Variants in ASTN2 observed in about 807,000 individuals in gnomAD.
ASTN2 encodes the protein astrotactin 2, also known as astrotactin-2.
Under a neutral mutation model 139.8 loss-of-function variants are expected in ASTN2, and 54 were observed. That is an observed-to-expected ratio of 0.39 (90% CI 0.31 to 0.48). The LOEUF (loss-of-function observed/expected upper bound fraction) is 0.48. ASTN2 is among the 20% of genes least tolerant of loss of function. ASTN2 has a pLI of 0.95. For missense variants in ASTN2, 1,565 were observed against 1,725.1 expected (o/e 0.91, Z 1.64); for synonymous variants, 756 against 719.5 (o/e 1.05, Z -0.81).
intron 19 of ASTN2, chr9:116,586,097 T>C (rs1198183218): frequency 1.3e-5 from 2 of 152,218 alleles, no homozygotes; most frequent in East Asian, 3.8e-4. Flanking sequence ...CACAATTGCG[T>C]GCTATCTCAC....
At chr9:116,909,001 G>A (rs936917880) in intron 10 of ASTN2, among the ~76,000 whole-genome samples, 2 of 152,182 alleles carry the variant, frequency 1.3e-5, no homozygotes, top group African/African-American at 4.8e-5. Flanking sequence ...GAGTGGGATG[G>A]TGGTAGGAAC....
intron 6 of ASTN2, among the ~76,000 whole-genome samples, chr9:117,010,656 G>C (rs377183016): frequency 6.6e-6 from 1 of 150,378 alleles, no homozygotes; most frequent in African/African-American, 2.4e-5. Flanking sequence ...TTTGTCTTAG[G>C]TCAGAATCAT....
chr9:117,208,391 G>A (rs1832008357), intron 3 of ASTN2, among the ~76,000 whole-genome samples: 1 of 151,402 alleles, frequency 6.6e-6, no homozygotes, highest in South Asian at 2.1e-4. Flanking sequence ...TTCAACAATA[G>A]ACTAGGGCAA....
At chr9:117,150,732 T>A (rs1830309683) in intron 3 of ASTN2, among the ~76,000 whole-genome samples, 1 of 152,190 alleles carries the variant, frequency 6.6e-6, no homozygotes. Context: ...CCTCATTCTG[T>A]CACCCAGACT....
In ASTN2 at chr9:117,116,037, C is replaced by CATATATATATATATATATATATATAT. The variant is rs113795526; in HGVS notation, c.1169-19887_1169-19886insATATATATATATATATATATATATAT. On this transcript the variant is annotated intron_variant, in intron 4 of 22. Coordinates refer to ENST00000313400, the MANE Select transcript of ASTN2 (RefSeq NM_001365068.1). ...GAGACTCCGCCTCAAAAAAAAAATGCATATATATATATATATTGCTCCCAT... is the reference window on the plus strand; with the variant it reads ...GAGACTCCGCCTCAAAAAAAAAATGCATATATATATATATATATATATATATATATATATATATATATTGCTCCCAT... Among the ~76,000 whole-genome samples the CATATATATATATATATATATATATAT allele has an allele frequency of 8.4e-3, 1,168 of 139,806 alleles. 18 individuals carry two copies. Among genetic ancestry groups the CATATATATATATATATATATATATAT allele is most frequent in the African/African-American group, 0.024 (895 of 36,686 alleles). The allele number at this position is 139,806 out of a possible 152,430, so 91.7% of individuals were successfully genotyped here.
At chr9:116,675,104 G>A (rs113297344) in intron 16 of ASTN2, among the ~76,000 whole-genome samples, 221 of 152,218 alleles carry the variant, frequency 1.5e-3, no homozygotes, top group South Asian at 7.3e-3. Flanking sequence ...GCCCCCCCAC[G>A]CTCCAGCAAT....
At chr9:116,959,091 A>T (rs1228461600) in intron 10 of ASTN2, among the ~76,000 whole-genome samples, 1 of 152,168 alleles carries the variant, frequency 6.6e-6, no homozygotes, top group African/African-American at 2.4e-5. Context: ...ATACAGCAGC[A>T]CTGAGACACA....
intron 13 of ASTN2, among the ~76,000 whole-genome samples, chr9:116,740,496 T>A (rs892906734): frequency 6.6e-6 from 1 of 152,120 alleles, no homozygotes; most frequent in Non-Finnish European, 1.5e-5. Flanking sequence ...GGAGGATTTA[T>A]GTAAAGTTAT....
chr9:116,927,732 G>T (rs1335204768), intron 10 of ASTN2, among the ~76,000 whole-genome samples: 1 of 152,202 alleles, frequency 6.6e-6, no homozygotes, highest in Non-Finnish European at 1.5e-5. Flanking sequence ...GCATCTCGGG[G>T]CTGGAGGTGG....
At chr9:116,737,552 ATATT>A (rs981823632) in intron 13 of ASTN2, among the ~76,000 whole-genome samples, 7 of 143,012 alleles carry the variant, frequency 4.9e-5, no homozygotes, top group Non-Finnish European at 9.0e-5. Context: ...ATAATGGACA[ATATT>A]TATTTATTGA....
chr9:117,099,398 T>G (rs1318503129), intron 4 of ASTN2, among the ~76,000 whole-genome samples: 2 of 152,102 alleles, frequency 1.3e-5, no homozygotes, highest in Non-Finnish European at 2.9e-5. Flanking sequence ...TTCCCTCCCA[T>G]CCTAAACACA....
intron 19 of ASTN2, among the ~76,000 whole-genome samples, chr9:116,608,712 G>T (rs1393269154): frequency 6.6e-6 from 1 of 152,154 alleles, no homozygotes; most frequent in Non-Finnish European, 1.5e-5. Context: ...GAATCGCAAT[G>T]TCTGGCATCT....
chr9:117,101,067 CA>C (rs1422758822), intron 4 of ASTN2, among the ~76,000 whole-genome samples: 1 of 152,144 alleles, frequency 6.6e-6, no homozygotes, highest in Non-Finnish European at 1.5e-5. Flanking sequence ...ACATTCTGCA[CA>C]AAGACCAAGA....
At chr9:117,144,281 G>A (rs961761502) in intron 3 of ASTN2, among the ~76,000 whole-genome samples, 5 of 152,066 alleles carry the variant, frequency 3.3e-5, no homozygotes, top group Admixed American at 1.3e-4. Flanking sequence ...AATTTCTCTC[G>A]TTTAAGGCAC....
rs1831366568 is a variant in ASTN2, at chr9:117,192,161, T to C, written c.1015+22197A>G. Among the ~76,000 whole-genome samples the C allele has an allele frequency of 2.0e-5, 3 of 152,262 alleles. No individual in the cohort carries two copies. The South Asian group carries it at 6.2e-4, about 32-fold the overall frequency. On this transcript the variant is annotated intron_variant, in intron 3 of 22. Transcript: ENST00000313400. ...GCTATCAGGGGATGCCAAGCTCCTG[T>C]CTGTTGGAGGCATTGCTGCTGCCTG...
chr9:116,710,266 A>G (rs1484214301), intron 16 of ASTN2, among the ~76,000 whole-genome samples: 1 of 152,108 alleles, frequency 6.6e-6, no homozygotes, highest in African/African-American at 2.4e-5. Flanking sequence ...CTCTCCCTAG[A>G]AAGCTTCATT....
intron 16 of ASTN2, among the ~76,000 whole-genome samples, chr9:116,670,106 G>A (rs1273245420): frequency 1.3e-5 from 2 of 152,042 alleles, no homozygotes; most frequent in African/African-American, 4.8e-5. Flanking sequence ...TGCCCAGCCT[G>A]CACTACTTCT....
chr9:116,622,489 T>G (rs115553329), intron 17 of ASTN2, among the ~76,000 whole-genome samples: 2,386 of 152,334 alleles, frequency 0.016, 67 homozygotes, highest in African/African-American at 0.055. Context: ...ATCATCACAA[T>G]AGTCCTGAGA....
At chr9:116,568,096 T>C (rs9969847) in intron 19 of ASTN2, among the ~76,000 whole-genome samples, 1 of 152,148 alleles carries the variant, frequency 6.6e-6, no homozygotes, top group African/African-American at 2.4e-5. Flanking sequence ...AAGGCCTAAG[T>C]ATTCTTCTCT....
Sources: allele counts gnomAD v4.1 joint callset (sites outside exome capture counted in the v4.1 genomes callset), GRCh38; gene constraint gnomAD v4.1.1; transcripts MANE v1.5; gene names NCBI Gene and HGNC (gene_info 2026-07-23, HGNC 2026-07-21).